Variants in CSNK1G1 observed in about 807,000 individuals in gnomAD.
CSNK1G1 encodes casein kinase 1 gamma 1.
A neutral mutation model predicts 59.6 loss-of-function variants in CSNK1G1; 22 were observed. That is an observed-to-expected ratio of 0.37 (90% CI 0.26 to 0.53). The LOEUF (loss-of-function observed/expected upper bound fraction) is 0.53, where lower values mean the gene tolerates loss of function less well. Among genes scored for constraint, CSNK1G1 ranks in the 20% least tolerant of loss-of-function variants. The pLI is 0.89. For synonymous variants in CSNK1G1, 179 were observed against 177.1 expected (o/e 1.01, Z -0.08); for missense variants, 384 against 519.5 (o/e 0.74, Z 2.54).
rs555464003 is a variant in CSNK1G1 at position 64,279,981 on chromosome 15, AAAAAC to A, written c.181+20333_181+20337del. Among the ~76,000 whole-genome samples the A allele has an allele frequency of 5.5e-4, 84 of 151,960 alleles. No homozygotes were observed. In the South Asian group the frequency reaches 0.016, roughly 30 times the overall value. On this transcript the variant is annotated intron_variant, in intron 2 of 11. Transcript: ENST00000303052. ...AGCGAGACTCCATCTCAAAAAAAAA[AAAAAC>A]AAAACAGAAACAAATAAAATATCCA...
intron 1 of CSNK1G1, among the ~76,000 whole-genome samples, chr15:64,313,401 C>T (rs1372129901): frequency 1.3e-5 from 2 of 152,070 alleles, no homozygotes; most frequent in Non-Finnish European, 2.9e-5. Flanking sequence ...ATATATACAC[C>T]ATGGAATACT....
At chr15:64,197,045 C>G (rs902488524) in intron 10 of CSNK1G1, among the ~76,000 whole-genome samples, 1 of 152,196 alleles carries the variant, frequency 6.6e-6, no homozygotes, top group African/African-American at 2.4e-5. Flanking sequence ...GCCCACTATT[C>G]TAAACATTGG....
At chr15:64,334,876 CCT>C (rs1337521701) in intron 1 of CSNK1G1, among the ~76,000 whole-genome samples, 5 of 152,172 alleles carry the variant, frequency 3.3e-5, no homozygotes, top group Non-Finnish European at 2.9e-5. Context: ...CTTCAGGACC[CCT>C]GTTTTATCTA....
intron 3 of CSNK1G1, 106 bp from the exon 4 acceptor site, chr15:64,251,687 A>T: frequency 1.4e-6 from 1 of 731,772 alleles, no homozygotes; most frequent in Non-Finnish European, 2.4e-6. Context: ...TGTTTTAGAG[A>T]TAATATCCAT....
At chr15:64,324,280 G>A (rs1462480298) in intron 1 of CSNK1G1, among the ~76,000 whole-genome samples, 2 of 152,224 alleles carry the variant, frequency 1.3e-5, no homozygotes, top group African/African-American at 4.8e-5. Context: ...GTTCCTGGGT[G>A]TTTCTGTGAG....
chr15:64,265,805 C>T, intron 2 of CSNK1G1: 1 of 456,516 alleles, frequency 2.2e-6, no homozygotes, highest in South Asian at 1.5e-5. Flanking sequence ...ATTGGCCAGT[C>T]ACAGTGGCTT....
At chr15:64,251,800 T>C (rs1430488051) in intron 3 of CSNK1G1, among the ~76,000 whole-genome samples, 2 of 152,210 alleles carry the variant, frequency 1.3e-5, no homozygotes, top group East Asian at 1.9e-4. Context: ...TAAATAAAAA[T>C]AGACTTTGCA....
At chr15:64,212,989 G>C (rs1248117415) in intron 6 of CSNK1G1, among the ~76,000 whole-genome samples, 1 of 152,208 alleles carries the variant, frequency 6.6e-6, no homozygotes, top group Non-Finnish European at 1.5e-5. Flanking sequence ...CTGGGTGATA[G>C]AGCGAGACTA....
chr15:64,322,874 G>A (rs1029419606), intron 1 of CSNK1G1, among the ~76,000 whole-genome samples: 3 of 151,478 alleles, frequency 2.0e-5, no homozygotes, highest in Admixed American at 1.3e-4. Context: ...TTAAGATAGA[G>A]TTCACTTTAA....
intron 2 of CSNK1G1, among the ~76,000 whole-genome samples, chr15:64,296,228 C>T (rs1895014804): frequency 6.6e-6 from 1 of 152,180 alleles, no homozygotes; most frequent in African/African-American, 2.4e-5. Flanking sequence ...TCAAGCCATC[C>T]TCCCATCTCA....
chr15:64,223,470 G>C (rs1313026275), intron 4 of CSNK1G1, among the ~76,000 whole-genome samples: 1 of 152,118 alleles, frequency 6.6e-6, no homozygotes, highest in African/African-American at 2.4e-5. Context: ...ATATGTGCTG[G>C]ATTCTTTGAT....
chr15:64,225,568 A>C (rs1412880228), intron 4 of CSNK1G1, among the ~76,000 whole-genome samples: 3 of 152,110 alleles, frequency 2.0e-5, no homozygotes, highest in Non-Finnish European at 2.9e-5. Context: ...AGAATCCTTC[A>C]TTTACATAGG....
chr15:64,265,760 A>G (rs2140340199), intron 2 of CSNK1G1: 1 of 455,922 alleles, frequency 2.2e-6, no homozygotes, highest in South Asian at 1.5e-5. Context: ...TGAAGAACAC[A>G]CACACCAAAA....
chr15:64,233,354 CTCTCTT>C (rs140282715), intron 4 of CSNK1G1, among the ~76,000 whole-genome samples: 6,732 of 152,122 alleles, frequency 0.044, 194 homozygotes, highest in South Asian at 0.085. Flanking sequence ...TTCTCTCTCT[CTCTCTT>C]TCTCTCTTTT....
At chr15:64,297,170 C>T (rs1390417223) in intron 2 of CSNK1G1, among the ~76,000 whole-genome samples, 1 of 151,848 alleles carries the variant, frequency 6.6e-6, no homozygotes, top group Non-Finnish European at 1.5e-5. Flanking sequence ...GGGAAACATA[C>T]ATATGGTCAT....
At position 64,171,859 on chromosome 15, in the gene CSNK1G1, G is replaced by A; in HGVS notation, c.*72C>T. Reference sequence around the variant, plus strand: ...CCCCCAAAGAGGAGTCCCTTCCAATGAGAAATGGCAGGAGCTGCAGGTACA... The same window carrying A: ...CCCCCAAAGAGGAGTCCCTTCCAATAAGAAATGGCAGGAGCTGCAGGTACA... On this transcript the variant is annotated 3_prime_UTR_variant, in exon 12 of 12. Transcript: ENST00000303052. The surrounding 1 kb of genome is among the most constrained non-coding windows in gnomAD (Gnocchi z 4.8). 7.8e-7 allele frequency: 1 copy of A among 1,287,582 alleles called. No individual in the cohort carries two copies. The highest frequency in any genetic ancestry group is 2.3e-5 in the East Asian group (1 of 43,438). The allele number at this position is 1,287,582 out of a possible 1,614,324, so 79.8% of individuals were successfully genotyped here.
chr15:64,187,305 C>G (rs1185894159), intron 10 of CSNK1G1, among the ~76,000 whole-genome samples: 1 of 152,070 alleles, frequency 6.6e-6, no homozygotes, highest in African/African-American at 2.4e-5. Context: ...AATCCTCCCA[C>G]CTCAGCCTCC....
At chr15:64,257,108 T>C (rs570597072) in intron 3 of CSNK1G1, among the ~76,000 whole-genome samples, 2 of 151,902 alleles carry the variant, frequency 1.3e-5, no homozygotes, top group African/African-American at 2.4e-5. Flanking sequence ...TTGAGACTTA[T>C]TTGAAAGAGA....
intron 2 of CSNK1G1, among the ~76,000 whole-genome samples, chr15:64,286,735 C>T (rs973052095): frequency 6.6e-6 from 1 of 152,032 alleles, no homozygotes; most frequent in Non-Finnish European, 1.5e-5. Flanking sequence ...CTACCCCTAG[C>T]CTTTTATTTG....
Sources: gnomAD v4.1 joint callset for allele counts (sites outside exome capture counted in the v4.1 genomes callset) on GRCh38, gnomAD v4.1.1 for gene constraint, Gnocchi (gnomAD v3.1) non-coding constraint, MANE v1.5 for transcripts, NCBI Gene and HGNC (gene_info 2026-07-23, HGNC 2026-07-21) for gene names.